CCDC88A: variants seen among roughly 807,000 people sequenced by gnomAD.
CCDC88A encodes the protein girdin.
In CCDC88A, 54 loss-of-function variants were observed where a neutral mutation model predicts 234.3. That is an observed-to-expected ratio of 0.23 (90% CI 0.19 to 0.29). CCDC88A has a LOEUF of 0.29. Among genes scored for constraint, CCDC88A ranks in the 10% least tolerant of loss-of-function variants. CCDC88A has a pLI of 1.00. For synonymous variants in CCDC88A, 753 were observed against 737.8 expected (o/e 1.02, Z -0.33); for missense variants, 1,832 against 2,123.4 (o/e 0.86, Z 2.70).
intron 7 of CCDC88A, among the ~76,000 whole-genome samples, chr2:55,359,350 T>G (rs1034176916): frequency 6.6e-6 from 1 of 151,948 alleles, no homozygotes. Context: ...ATGAACTACA[T>G]ATTACAAAAT....
chr2:55,340,930 T>C (rs72923183), intron 12 of CCDC88A, among the ~76,000 whole-genome samples: 4,957 of 152,170 alleles, frequency 0.033, 259 homozygotes, highest in African/African-American at 0.1. Flanking sequence ...AAGTGAAATT[T>C]TGTGTCCTTT....
chr2:55,291,869 G>T, intron 31 of CCDC88A, 94 bp from the exon 32 acceptor site: 1 of 858,812 alleles, frequency 1.2e-6, no homozygotes. Context: ...GTAGGGCAAG[G>T]AGAAGGAATC....
intron 2 of CCDC88A, among the ~76,000 whole-genome samples, chr2:55,401,075 A>C (rs1248235973): frequency 6.6e-6 from 1 of 152,074 alleles, no homozygotes; most frequent in Non-Finnish European, 1.5e-5. Context: ...AGGAAAATTA[A>C]TGGCTTTTTT....
intron 2 of CCDC88A, among the ~76,000 whole-genome samples, chr2:55,409,738 C>CTTTTTTTT (rs61703330): frequency 0.018 from 1,963 of 110,944 alleles, 167 homozygotes; most frequent in East Asian, 0.098. Flanking sequence ...ATATACCTCC[C>CTTTTTTTT]TTTTTTTTTT....
intron 16 of CCDC88A, chr2:55,331,937 T>C (rs185918248): frequency 6.6e-6 from 1 of 152,196 alleles, no homozygotes; most frequent in East Asian, 1.9e-4. Flanking sequence ...TTGCTTATTT[T>C]TGTTTGTTGT....
At chr2:55,401,135 G>GA (rs1378353267) in intron 2 of CCDC88A, among the ~76,000 whole-genome samples, 3 of 151,612 alleles carry the variant, frequency 2.0e-5, no homozygotes, top group Non-Finnish European at 1.5e-5. Flanking sequence ...GGTTTTAAGG[G>GA]AAAAAATGTA....
chr2:55,368,203 C>G (rs1672301083), intron 5 of CCDC88A, among the ~76,000 whole-genome samples: 1 of 152,180 alleles, frequency 6.6e-6, no homozygotes, highest in African/African-American at 2.4e-5. Context: ...CTGAGTTGGA[C>G]AGCCAATAAC....
intron 23 of CCDC88A, among the ~76,000 whole-genome samples, chr2:55,310,573 T>C (rs1230027845): frequency 1.3e-5 from 2 of 149,062 alleles, no homozygotes; most frequent in Non-Finnish European, 3.0e-5. Context: ...AGAGCAAGAC[T>C]GAAAAGAAAA....
intron 17 of CCDC88A, among the ~76,000 whole-genome samples, chr2:55,326,713 C>G (rs1310356122): frequency 6.6e-6 from 1 of 152,078 alleles, no homozygotes; most frequent in Non-Finnish European, 1.5e-5. Flanking sequence ...ATTACAGGTG[C>G]CCGCCACCAC....
At chr2:55,337,856 TA>T (rs1220209565) in intron 13 of CCDC88A, among the ~76,000 whole-genome samples, 3 of 151,850 alleles carry the variant, frequency 2.0e-5, no homozygotes, top group African/African-American at 7.3e-5. Context: ...CTACTACCAA[TA>T]ATAATGATGA....
intron 23 of CCDC88A, among the ~76,000 whole-genome samples, chr2:55,311,494 C>A (rs1419462405): frequency 6.6e-6 from 1 of 152,204 alleles, no homozygotes; most frequent in Non-Finnish European, 1.5e-5. Context: ...CATACTACTT[C>A]ATGCACTCCT....
intron 3 of CCDC88A, among the ~76,000 whole-genome samples, chr2:55,380,266 G>C (rs34721785): frequency 0.13 from 20,050 of 151,850 alleles, 1,748 homozygotes; most frequent in Non-Finnish European, 0.2. Context: ...AAATTAAGCA[G>C]AGAATGAGAA....
intron 2 of CCDC88A, among the ~76,000 whole-genome samples, chr2:55,396,280 T>C (rs180766321): frequency 3.3e-5 from 5 of 152,284 alleles, no homozygotes; most frequent in Admixed American, 2.6e-4. Context: ...GTTACATAAA[T>C]TTCATTTGCA....
chr2:55,320,466 T>C (rs1683484107), intron 18 of CCDC88A, among the ~76,000 whole-genome samples: 1 of 152,146 alleles, frequency 6.6e-6, no homozygotes, highest in Non-Finnish European at 1.5e-5. Context: ...CTAACCGTCT[T>C]TATAACCCCA....
intron 29 of CCDC88A, among the ~76,000 whole-genome samples, chr2:55,298,951 G>A (rs896746450): frequency 6.6e-6 from 1 of 151,278 alleles, no homozygotes; most frequent in African/African-American, 2.4e-5. Context: ...TGTAATCCCA[G>A]CACTTTGGGA....
intron 12 of CCDC88A, among the ~76,000 whole-genome samples, chr2:55,340,488 T>C (rs1046304135): frequency 4.6e-5 from 7 of 152,230 alleles, no homozygotes; most frequent in Non-Finnish European, 8.8e-5. Flanking sequence ...CTAGTCATCA[T>C]GTTGTTAATC....
intron 2 of CCDC88A, among the ~76,000 whole-genome samples, chr2:55,416,059 C>CT (rs1558858862): frequency 6.6e-6 from 1 of 150,714 alleles, no homozygotes; most frequent in Admixed American, 6.6e-5. Flanking sequence ...ATCAATCAAC[C>CT]GAAACCAACC....
At chr2:55,386,879 G>C (rs1190346588) in intron 3 of CCDC88A, among the ~76,000 whole-genome samples, 1 of 151,756 alleles carries the variant, frequency 6.6e-6, no homozygotes, top group African/African-American at 2.4e-5. Context: ...CATGCAGCTT[G>C]AGCTAAAGAA....
At chr2:55,331,229 A>AT (rs1684875561) in intron 16 of CCDC88A, among the ~76,000 whole-genome samples, 1 of 152,276 alleles carries the variant, frequency 6.6e-6, no homozygotes, top group Admixed American at 6.5e-5. Context: ...TTCAGTATCT[A>AT]TATTAAAAGA....
Sources: gnomAD v4.1 joint callset for allele counts (sites outside exome capture counted in the v4.1 genomes callset) on GRCh38, gnomAD v4.1.1 for gene constraint, MANE v1.5 for transcripts, NCBI Gene and HGNC (gene_info 2026-07-23, HGNC 2026-07-21) for gene names.